Variants in TENM1 observed in about 807,000 individuals in gnomAD.
TENM1 encodes teneurin-1.
Under a neutral mutation model 174.8 loss-of-function variants are expected in TENM1, and 35 were observed. The ratio of observed to expected loss-of-function variants is 0.20; its 90% CI spans 0.15 to 0.27. The LOEUF is 0.27. Ranked by LOEUF, TENM1 falls within the 10% of genes least tolerant of loss-of-function variation. TENM1 has a pLI of 1.00. For synonymous variants in TENM1, 781 were observed against 798.7 expected (o/e 0.98, Z 0.37); for missense variants, 1,633 against 2,130.1 (o/e 0.77, Z 4.59).
exon 32 of TENM1, chrX:124,376,774 TTTTTGTTTTGTTTTG>T (rs1041912391): frequency 9.0e-6 from 1 of 111,446 alleles, no homozygotes; most frequent in Non-Finnish European, 1.9e-5. Flanking sequence ...TTTTTTGTTT[TTTTTGTTTTGTTTTG>T]TTTTGTTTTG....
the TENM1 span, among the ~76,000 whole-genome samples, chrX:125,202,611 G>A: frequency 9.0e-6 from 1 of 111,144 alleles, no homozygotes; most frequent in Non-Finnish European, 1.9e-5. Flanking sequence ...TGCTCAACCC[G>A]AAGCTGCCGA....
rs775822200 is a variant in TENM1 at position 124,705,251 on chromosome X, C to A, written c.777G>T (p.Arg259Ser). The A allele has an allele frequency of 1.7e-6, 2 of 1,174,079 alleles. No homozygotes were observed. Among genetic ancestry groups the A allele is most frequent in the Admixed American group, 2.4e-5 (1 of 42,287 alleles). Residue 259 changes from arginine (R) to serine (S), a missense_variant and splice_region_variant, in exon 5 of 32, where the codon AGG becomes AGT. Arg to Ser is a moderately radical substitution (Grantham distance 110). This residue lies in a region of TENM1 where 305 missense variants were observed against 309.2 expected (regional missense o/e 0.99). Transcript: ENST00000422452. ...CAGATCCATGTTTGAACAGGAAATG[C>A]CTGTGAAAAGGAAACACAAGTTTGG... is the stretch of plus-strand genomic sequence containing the variant.
intron 3 of TENM1, among the ~76,000 whole-genome samples, chrX:124,753,934 A>G (rs2054153971): frequency 9.0e-6 from 1 of 111,645 alleles, no homozygotes; most frequent in African/African-American, 3.3e-5. Flanking sequence ...CATCAAGGAT[A>G]TTGGTCTAAA....
intron 25 of TENM1, among the ~76,000 whole-genome samples, chrX:124,407,368 T>C (rs1376384683): frequency 1.8e-5 from 2 of 112,301 alleles, no homozygotes; most frequent in East Asian, 2.8e-4. Context: ...TAAACACATG[T>C]ACTTGGAAAC....
intron 4 of TENM1, among the ~76,000 whole-genome samples, chrX:124,721,454 T>G (rs946421183): frequency 8.9e-6 from 1 of 112,150 alleles, no homozygotes; most frequent in African/African-American, 3.2e-5. Flanking sequence ...AAAGTTCTAT[T>G]TAACCTTAAG....
chrX:124,600,148 A>G (rs2049995900), intron 11 of TENM1, among the ~76,000 whole-genome samples: 1 of 110,802 alleles, frequency 9.0e-6, no homozygotes, highest in African/African-American at 3.3e-5. Context: ...CCGAGAACAG[A>G]ACTTGGCTTC....
At chrX:124,812,420 T>C (rs917246572) in intron 3 of TENM1, among the ~76,000 whole-genome samples, 11 of 111,796 alleles carry the variant, frequency 9.8e-5, no homozygotes, top group Non-Finnish European at 1.9e-4. Context: ...TTGCTAAATA[T>C]GAAGATTTAT....
chrX:124,757,473 C>T (rs1044008608), intron 3 of TENM1, among the ~76,000 whole-genome samples: 11 of 112,724 alleles, frequency 9.8e-5, no homozygotes, highest in East Asian at 2.8e-4. Context: ...CGCCGTGCTT[C>T]GGCTCGCACA....
At chrX:124,770,826 T>C (rs999151013) in intron 3 of TENM1, among the ~76,000 whole-genome samples, 1 of 111,579 alleles carries the variant, frequency 9.0e-6, no homozygotes, top group Non-Finnish European at 1.9e-5. Context: ...ATGGATCTTA[T>C]AGTTTATTCA....
chrX:124,555,853 G>A (rs928052286), intron 14 of TENM1, among the ~76,000 whole-genome samples: 29 of 111,872 alleles, frequency 2.6e-4, no homozygotes, highest in Non-Finnish European at 4.5e-4. Context: ...GAAGAGGATC[G>A]ATGATGAACA....
At chrX:125,027,008 C>A in the TENM1 span, among the ~76,000 whole-genome samples, 2 of 111,459 alleles carry the variant, frequency 1.8e-5, no homozygotes, top group Non-Finnish European at 3.8e-5. Context: ...CCATTAAAAT[C>A]AAGACAAAAA....
chrX:124,680,549 G>T (rs2052209042), intron 5 of TENM1, among the ~76,000 whole-genome samples: 2 of 110,222 alleles, frequency 1.8e-5, no homozygotes, highest in South Asian at 7.7e-4. Flanking sequence ...ATTATTTAGT[G>T]GTTTCATCTC....
chrX:124,999,408 G>C, the TENM1 span, among the ~76,000 whole-genome samples: 3 of 111,062 alleles, frequency 2.7e-5, no homozygotes, highest in East Asian at 5.7e-4. Flanking sequence ...ACCTGGGCTT[G>C]AAGAACAAGT....
At chrX:124,809,715 T>C (rs1266612490) in intron 3 of TENM1, among the ~76,000 whole-genome samples, 1 of 110,287 alleles carries the variant, frequency 9.1e-6, no homozygotes, top group Non-Finnish European at 1.9e-5. Context: ...TGAAACTGAG[T>C]AATTTATAAA....
At chrX:124,473,723 C>T (rs1301894951) in intron 22 of TENM1, among the ~76,000 whole-genome samples, 2 of 110,823 alleles carry the variant, frequency 1.8e-5, no homozygotes, top group African/African-American at 6.6e-5. Flanking sequence ...TGCTCCATTC[C>T]CTCCAGGCCC....
chrX:124,973,911 G>T, the TENM1 span, among the ~76,000 whole-genome samples: 2 of 111,712 alleles, frequency 1.8e-5, no homozygotes, highest in African/African-American at 6.5e-5. Flanking sequence ...TGGACAATGA[G>T]AACACATGGA....
chrX:124,608,734 T>C (rs1490438981), intron 11 of TENM1, among the ~76,000 whole-genome samples: 2 of 110,140 alleles, frequency 1.8e-5, no homozygotes, highest in African/African-American at 6.6e-5. Flanking sequence ...AGAACTGAGC[T>C]CAGATTAATA....
chrX:124,893,537 T>C (rs760060861), intron 3 of TENM1, among the ~76,000 whole-genome samples: 1 of 112,381 alleles, frequency 8.9e-6, no homozygotes, highest in African/African-American at 3.2e-5. Flanking sequence ...TAAATCCTTA[T>C]ATACTAGTTT....
chrX:124,872,387 C>G (rs774215852), intron 3 of TENM1, among the ~76,000 whole-genome samples: 1 of 111,949 alleles, frequency 8.9e-6, no homozygotes, highest in South Asian at 3.7e-4. Context: ...ATTATTTCAG[C>G]AAATATAAAC....
Sources: allele counts gnomAD v4.1 joint callset (sites outside exome capture counted in the v4.1 genomes callset), GRCh38; gene constraint gnomAD v4.1.1; regional missense constraint gnomAD v4.1.1; transcripts MANE v1.5; gene names NCBI Gene and HGNC (gene_info 2026-07-23, HGNC 2026-07-21).